CAP2: variants seen among roughly 807,000 people sequenced by gnomAD.
The protein encoded by CAP2 is cyclase associated actin cytoskeleton regulatory protein 2.
In CAP2, 24 loss-of-function variants were observed where a neutral mutation model predicts 57.7. The observed-to-expected ratio is 0.42, with a 90% confidence interval of 0.30 to 0.58. The LOEUF (loss-of-function observed/expected upper bound fraction) is 0.58. Among genes scored for constraint, CAP2 ranks in the 20% least tolerant of loss-of-function variants. The pLI is 0.22. For synonymous variants in CAP2, 194 were observed against 207.2 expected (o/e 0.94, Z 0.55); for missense variants, 501 against 590.3 (o/e 0.85, Z 1.57).
At position 17,556,382 on chromosome 6, in the gene CAP2, G is replaced by A. The variant is rs375112377; in HGVS notation, c.1374G>A (p.Gln458=). ...GDYREFPIPE[Q]FKTAWDGSKL... ...AGAGAGAATTTCCCATTCCTGAACA[G>A]TTCAAGACAGCATGGGATGGATCCA... Residue 458 remains glutamine, a synonymous_variant, in exon 13 of 13, where the codon CAG becomes CAA. Coordinates refer to ENST00000229922, the MANE Select transcript of CAP2 (RefSeq NM_006366.3). 1.9e-6 allele frequency: 3 copies of A among 1,613,578 alleles called. No homozygotes were observed. The highest frequency in any genetic ancestry group is 3.3e-5 in the Admixed American group (2 of 60,008).
intron 4 of CAP2, among the ~76,000 whole-genome samples, chr6:17,485,389 T>C (rs980996298): frequency 2.0e-5 from 3 of 152,192 alleles, no homozygotes; most frequent in Non-Finnish European, 2.9e-5. Flanking sequence ...CTGGGCTTTT[T>C]CCAGCCTGGG....
intron 4 of CAP2, among the ~76,000 whole-genome samples, chr6:17,496,682 A>G (rs1761676936): frequency 6.6e-6 from 1 of 152,080 alleles, no homozygotes; most frequent in South Asian, 2.1e-4. Context: ...TTACCCTTAA[A>G]AGAGAAAGCA....
At chr6:17,498,692 T>C (rs1447482955) in intron 4 of CAP2, among the ~76,000 whole-genome samples, 1 of 152,166 alleles carries the variant, frequency 6.6e-6, no homozygotes, top group Non-Finnish European at 1.5e-5. Flanking sequence ...TTTCTGTATG[T>C]CTAAAATAGC....
At chr6:17,461,190 A>G (rs1581538015) in intron 3 of CAP2, among the ~76,000 whole-genome samples, 1 of 116,300 alleles carries the variant, frequency 8.6e-6, no homozygotes, top group Non-Finnish European at 1.5e-5. Context: ...CAAAACAACA[A>G]AAAAAAAAAC....
intron 7 of CAP2, among the ~76,000 whole-genome samples, chr6:17,535,466 G>A (rs1485935221): frequency 6.6e-6 from 1 of 151,890 alleles, no homozygotes; most frequent in South Asian, 2.1e-4. Context: ...GTAGAGACGG[G>A]GTTTCGCCAT....
chr6:17,457,711 A>C (rs1330207873), intron 3 of CAP2, among the ~76,000 whole-genome samples: 1 of 152,204 alleles, frequency 6.6e-6, no homozygotes, highest in Non-Finnish European at 1.5e-5. Context: ...ATGAAACACC[A>C]TTTGGAGGAA....
chr6:17,536,327 C>A, intron 7 of CAP2: 1 of 456,606 alleles, frequency 2.2e-6, no homozygotes, highest in Admixed American at 2.3e-5. Flanking sequence ...AGTTTGATTT[C>A]GAGTCCACTG....
intron 4 of CAP2, among the ~76,000 whole-genome samples, chr6:17,464,848 G>A (rs73375221): frequency 0.013 from 2,027 of 152,326 alleles, 52 homozygotes; most frequent in African/African-American, 0.047. Flanking sequence ...TGTAGATTCA[G>A]CCTTAGCCTG....
At chr6:17,475,646 A>C (rs753285346) in intron 4 of CAP2, among the ~76,000 whole-genome samples, 1 of 152,222 alleles carries the variant, frequency 6.6e-6, no homozygotes, top group African/African-American at 2.4e-5. Flanking sequence ...TCTGGGAAGA[A>C]TGTGCTGATT....
chr6:17,472,824 T>C (rs891865747), intron 4 of CAP2, among the ~76,000 whole-genome samples: 6 of 152,158 alleles, frequency 3.9e-5, no homozygotes, highest in African/African-American at 1.4e-4. Flanking sequence ...TAATCATTAG[T>C]TTATCAGGAT....
At chr6:17,555,701 C>T (rs1581620854) in intron 12 of CAP2, among the ~76,000 whole-genome samples, 2 of 151,916 alleles carry the variant, frequency 1.3e-5, no homozygotes, top group African/African-American at 4.8e-5. Flanking sequence ...GTAGCTGAGA[C>T]TACAGGCGCA....
At chr6:17,530,805 T>C (rs1762621291) in intron 7 of CAP2, 1 of 581,090 alleles carries the variant, frequency 1.7e-6, no homozygotes, top group African/African-American at 1.9e-5. Context: ...TTTTTCATTT[T>C]TTTGGTCTCC....
chr6:17,396,351 G>A (rs887097954), intron 1 of CAP2, among the ~76,000 whole-genome samples: 1 of 152,292 alleles, frequency 6.6e-6, no homozygotes, highest in East Asian at 1.9e-4. Context: ...GTACACAGAT[G>A]TTGACAGCAA....
At chr6:17,479,116 T>TA (rs1275408942) in intron 4 of CAP2, among the ~76,000 whole-genome samples, 1 of 152,206 alleles carries the variant, frequency 6.6e-6, no homozygotes, top group Non-Finnish European at 1.5e-5. Context: ...GTGCCCACTG[T>TA]ACGTCTCCAG....
At chr6:17,538,274 A>C (rs1247172968) in intron 7 of CAP2, among the ~76,000 whole-genome samples, 1 of 151,202 alleles carries the variant, frequency 6.6e-6, no homozygotes, top group Non-Finnish European at 1.5e-5. Context: ...ACATAGTGAG[A>C]CCTCATCTCT....
intron 1 of CAP2, among the ~76,000 whole-genome samples, chr6:17,404,942 A>G (rs1758918088): frequency 6.6e-6 from 1 of 152,146 alleles, no homozygotes; most frequent in Non-Finnish European, 1.5e-5. Context: ...ATGAGTGTAT[A>G]TGTATAACAG....
chr6:17,531,690 T>C, intron 7 of CAP2: 1 of 707,788 alleles, frequency 1.4e-6, no homozygotes, highest in Non-Finnish European at 2.4e-6. Context: ...GTAAGAACAC[T>C]AATAGGTTGT....
At chr6:17,421,873 C>T (rs1251368317) in intron 2 of CAP2, among the ~76,000 whole-genome samples, 197 bp downstream of exon 2, 1 of 152,254 alleles carries the variant, frequency 6.6e-6, no homozygotes, top group Non-Finnish European at 1.5e-5. Context: ...CCACAATCCA[C>T]AACAATTATC....
chr6:17,551,607 A>G lies in CAP2; in HGVS notation c.1350+3A>G, dbSNP rs777336126. ...TTATCCCTCAGGATGGTGATTATGT[A>G]AGTACCTTTCAAAAGGCTGTCAAGA... On this transcript the variant is annotated splice_donor_region_variant and intron_variant, in intron 12 of 12. Coordinates refer to ENST00000229922, the MANE Select transcript of CAP2 (RefSeq NM_006366.3). 1.0e-5 allele frequency: 16 copies of G among 1,579,698 alleles called. No individual in the cohort carries two copies.
Sources: gnomAD v4.1 joint callset for allele counts (sites outside exome capture counted in the v4.1 genomes callset) on GRCh38, gnomAD v4.1.1 for gene constraint, MANE v1.5 for transcripts, NCBI Gene and HGNC (gene_info 2026-07-23, HGNC 2026-07-21) for gene names.